Variants in GALNTL6 observed in about 807,000 individuals in gnomAD.
GALNTL6 encodes the protein polypeptide N-acetylgalactosaminyltransferase like 6.
A neutral mutation model predicts 73.7 loss-of-function variants in GALNTL6; 46 were observed. The ratio of observed to expected loss-of-function variants is 0.62; its 90% CI spans 0.49 to 0.80. The LOEUF is 0.80. Ranked by LOEUF, GALNTL6 falls within the 30% of genes least tolerant of loss-of-function variation. The pLI is 0.00. For synonymous variants in GALNTL6, 259 were observed against 263.7 expected, an observed-to-expected ratio of 0.98 and a Z score of 0.17; for missense variants, 604 against 755.0, an observed-to-expected ratio of 0.80 and a Z score of 2.34.
intron 5 of GALNTL6, among the ~76,000 whole-genome samples, chr4:172,764,573 C>CAA (rs200809597): frequency 1.3e-5 from 2 of 151,396 alleles, no homozygotes; most frequent in African/African-American, 4.9e-5. Flanking sequence ...AGTAAAAAAA[C>CAA]AAAAAACTCT....
rs529966240 is a variant in GALNTL6, at chr4:171,967,741, T to A, written c.138+153023T>A. The stretch of plus-strand genomic sequence containing the variant: ...ATTTCGTGACATTTAGGTTACAACC[T>A]ATTTGAATTTTTTTCCCCCATTAAA... On this transcript the variant is annotated intron_variant, in intron 2 of 12. Coordinates refer to ENST00000506823, the MANE Select transcript of GALNTL6 (RefSeq NM_001034845.3). Among the ~76,000 whole-genome samples, 120 of 152,326 alleles carry A rather than the reference T, an allele frequency of 7.9e-4. 1 individual carries two copies. Among genetic ancestry groups the A allele is most frequent in the African/African-American group, 2.6e-3 (107 of 41,578 alleles).
intron 5 of GALNTL6, among the ~76,000 whole-genome samples, chr4:172,452,358 A>C (rs377742151): frequency 2.0e-4 from 30 of 148,148 alleles, no homozygotes; most frequent in African/African-American, 6.9e-4. Flanking sequence ...AAACAAAACT[A>C]AAACAGCAGC....
chr4:171,978,840 AT>A (rs1739799425), intron 2 of GALNTL6, among the ~76,000 whole-genome samples: 1 of 151,502 alleles, frequency 6.6e-6, no homozygotes, highest in African/African-American at 2.5e-5. Flanking sequence ...TTAGGAAACA[AT>A]TTCTGGAATA....
chr4:172,846,772 G>A (rs1206332464), intron 7 of GALNTL6, among the ~76,000 whole-genome samples: 1 of 151,992 alleles, frequency 6.6e-6, no homozygotes, highest in Non-Finnish European at 1.5e-5. Context: ...TACACTGCAG[G>A]CACTACTGAT....
At chr4:172,751,211 A>G (rs762631302) in intron 5 of GALNTL6, among the ~76,000 whole-genome samples, 9 of 152,224 alleles carry the variant, frequency 5.9e-5, no homozygotes, top group Non-Finnish European at 1.0e-4. Context: ...AGAAAACATT[A>G]CTAACACACT....
intron 5 of GALNTL6, among the ~76,000 whole-genome samples, chr4:172,764,757 TCTCA>T (rs1738310617): frequency 6.6e-6 from 1 of 152,204 alleles, no homozygotes. Flanking sequence ...CTGCTATTTA[TCTCA>T]CTATTTACAA....
chr4:172,052,356 G>A lies in GALNTL6; in HGVS notation c.139-177300G>A, dbSNP rs192919835. 7.1e-4 allele frequency: 634 copies of A among 894,460 alleles called. 3 individuals are homozygous for A. In the African/African-American group the frequency reaches 9.4e-3, roughly 13 times the overall value. The allele number at this position is 894,460 out of a possible 1,614,324, so 55.4% of individuals were successfully genotyped here. On this transcript the variant is annotated intron_variant, in intron 2 of 12. Transcript: ENST00000506823. ...CTTATTTAGAGATGGGCTTGAACAC[G>A]CCCTTGAAGACCTATGCACACCTTC...
Position 173,018,714 on chromosome 4 carries a change from G to A in GALNTL6, c.1489-2762G>A, listed in dbSNP as rs1752876750. 2.0e-5 allele frequency among the ~76,000 whole-genome samples: 3 copies of A among 152,228 alleles called. No individual in the cohort carries two copies. In the South Asian group the frequency reaches 6.2e-4, roughly 32 times the overall value. On this transcript the variant is annotated intron_variant, in intron 11 of 12. Coordinates refer to ENST00000506823, the MANE Select transcript of GALNTL6 (RefSeq NM_001034845.3). ...AACCAGAGGGATTTACGTGAACACG[G>A]CACAGAAGGAAATACACAGCCTGGT...
Position 172,188,043 on chromosome 4 carries a change from T to C in GALNTL6, c.139-41613T>C, listed in dbSNP as rs528986670. Among the ~76,000 whole-genome samples the C allele has an allele frequency of 1.7e-4, 26 of 152,244 alleles. No individual in the cohort carries two copies. In the East Asian group the frequency reaches 4.3e-3, roughly 25 times the overall value. Reference sequence around the variant, plus strand: ...TTAGGCCAGTTCATCATTCAGAAAATAAAGCTGTTTTTTCTACATAATCAT... The same window carrying C: ...TTAGGCCAGTTCATCATTCAGAAAACAAAGCTGTTTTTTCTACATAATCAT... On this transcript the variant is annotated intron_variant, in intron 2 of 12. Transcript: ENST00000506823.
Position 171,897,972 on chromosome 4 carries a change from A to G in GALNTL6, c.138+83254A>G, listed in dbSNP as rs531139572. 9.9e-5 allele frequency among the ~76,000 whole-genome samples: 15 copies of G among 151,752 alleles called. No homozygotes were observed. In the South Asian group the frequency reaches 3.1e-3, roughly 32 times the overall value. On this transcript the variant is annotated intron_variant, in intron 2 of 12. Transcript: ENST00000506823. ...ATGGAAAGTCAAAGACTAGGAACAA[A>G]TGTTTTCAAAACTATATCTAACAAA...
intron 5 of GALNTL6, among the ~76,000 whole-genome samples, chr4:172,519,193 T>A (rs1484757134): frequency 1.3e-5 from 2 of 150,646 alleles, no homozygotes; most frequent in Non-Finnish European, 3.0e-5. Flanking sequence ...TGTATAAATA[T>A]ATATTACTTT....
chr4:172,197,782 A>G (rs1735819463), intron 2 of GALNTL6, among the ~76,000 whole-genome samples: 1 of 152,158 alleles, frequency 6.6e-6, no homozygotes, highest in South Asian at 2.1e-4. Flanking sequence ...TTATAAAAAA[A>G]TTAACTCAAG....
chr4:171,835,989 C>A (rs1735084684), intron 2 of GALNTL6, among the ~76,000 whole-genome samples: 1 of 151,976 alleles, frequency 6.6e-6, no homozygotes, highest in Non-Finnish European at 1.5e-5. Context: ...AACATCTATA[C>A]AATCATTAGA....
intron 7 of GALNTL6, among the ~76,000 whole-genome samples, chr4:172,816,048 C>T (rs1454413439): frequency 6.6e-6 from 1 of 152,190 alleles, no homozygotes; most frequent in East Asian, 1.9e-4. Flanking sequence ...ACTTGCTTCT[C>T]TAGCTGTAAA....
At chr4:172,069,593 A>ATG in intron 2 of GALNTL6, among the ~76,000 whole-genome samples, 1 of 63,760 alleles carries the variant, frequency 1.6e-5, no homozygotes, top group East Asian at 3.0e-4. Flanking sequence ...TTATATATAT[A>ATG]ACACATATAT....
intron 5 of GALNTL6, among the ~76,000 whole-genome samples, chr4:172,465,211 C>A (rs961705180): frequency 3.9e-5 from 6 of 152,184 alleles, no homozygotes; most frequent in Non-Finnish European, 8.8e-5. Context: ...CGCGCGGTGG[C>A]TCACGCCTGT....
intron 5 of GALNTL6, among the ~76,000 whole-genome samples, chr4:172,546,894 G>A (rs966817795): frequency 3.3e-4 from 46 of 139,594 alleles, no homozygotes; most frequent in African/African-American, 1.2e-3. Flanking sequence ...CAGTTCAGTG[G>A]CATTAAGCAC....
intron 5 of GALNTL6, among the ~76,000 whole-genome samples, chr4:172,395,601 C>A (rs1743820103): frequency 6.6e-6 from 1 of 151,936 alleles, no homozygotes; most frequent in Non-Finnish European, 1.5e-5. Flanking sequence ...AGATATCAGA[C>A]CTTTGACGAA....
Position 172,933,618 on chromosome 4 carries a change from C to G in GALNTL6, c.1149+2350C>G, listed in dbSNP as rs189460958. On this transcript the variant is annotated intron_variant, in intron 9 of 12. Transcript: ENST00000506823. ...CATAAATATTAAAGCTTGACTGTCA[C>G]TCTGAGAAACATTTTATGGTTTTTT... Among the ~76,000 whole-genome samples, 10 of 151,954 alleles carry G rather than the reference C, an allele frequency of 6.6e-5. No individual in the cohort carries two copies. In the East Asian group the frequency reaches 1.9e-3, roughly 29 times the overall value.
Sources: gnomAD v4.1 joint callset for allele counts (sites outside exome capture counted in the v4.1 genomes callset) on GRCh38, gnomAD v4.1.1 for gene constraint, MANE v1.5 for transcripts, NCBI Gene and HGNC (gene_info 2026-07-23, HGNC 2026-07-21) for gene names.